The following MYO9A variants were observed in gnomAD, a reference collection of about 807,000 sequenced individuals.
The protein encoded by MYO9A is unconventional myosin-IXa.
MYO9A carries 103 observed loss-of-function variants against 293.3 expected under a neutral mutation model. The ratio of observed to expected loss-of-function variants is 0.35; its 90% CI spans 0.30 to 0.41. The LOEUF (loss-of-function observed/expected upper bound fraction) is 0.41, where lower values mean the gene tolerates loss of function less well. MYO9A is among the 10% of genes least tolerant of loss of function. The pLI is 1.00. For missense variants in MYO9A, 2,685 were observed against 3,033.0 expected (o/e 0.89, Z 2.69); for synonymous variants, 1,001 against 1,035.7 (o/e 0.97, Z 0.64).
At chr15:71,971,156 G>A (rs1467140448) in intron 12 of MYO9A, among the ~76,000 whole-genome samples, 1 of 149,700 alleles carries the variant, frequency 6.7e-6, no homozygotes, top group Non-Finnish European at 1.5e-5. Context: ...GCGAGACTCC[G>A]TATCAGAAAA....
chr15:72,107,200 C>A (rs2080599658), intron 1 of MYO9A, among the ~76,000 whole-genome samples: 1 of 152,110 alleles, frequency 6.6e-6, no homozygotes, highest in South Asian at 2.1e-4. Context: ...CTGTCAAGAG[C>A]CTCAATGACA....
At position 71,916,367 on chromosome 15, in the gene MYO9A, A is replaced by G. The variant is rs2058012752; in HGVS notation, c.2685+3T>C. ...ATTTGTTTTAAGCGAAACAAGAAAT[A>G]ACCTGAAACTGGGCACTGATGCTGG... On this transcript the variant is annotated splice_donor_region_variant and intron_variant, in intron 19 of 41. Transcript: ENST00000356056. 1 of 1,605,050 alleles carries G rather than the reference A, an allele frequency of 6.2e-7. No individual in the cohort carries two copies. Among genetic ancestry groups the G allele is most frequent in the Non-Finnish European group, 8.5e-7 (1 of 1,177,762 alleles).
intron 1 of MYO9A, among the ~76,000 whole-genome samples, chr15:72,092,116 G>A (rs988088220): frequency 6.6e-6 from 1 of 152,186 alleles, no homozygotes. Context: ...GCAGAGCACT[G>A]AAGCCAGGTT....
intron 18 of MYO9A, among the ~76,000 whole-genome samples, chr15:71,932,371 G>A (rs2058502444): frequency 6.6e-6 from 1 of 151,994 alleles, no homozygotes; most frequent in Non-Finnish European, 1.5e-5. Context: ...GGTTAAGGCG[G>A]CTATCCCTTG....
chr15:71,958,595 A>T (rs1234156390), intron 14 of MYO9A: 2 of 152,254 alleles, frequency 1.3e-5, no homozygotes, highest in South Asian at 2.1e-4. Context: ...CCTAGGTGGT[A>T]GTTCCAGGGT....
intron 8 of MYO9A, among the ~76,000 whole-genome samples, chr15:72,004,835 A>T (rs988104233): frequency 6.6e-6 from 1 of 152,232 alleles, no homozygotes; most frequent in African/African-American, 2.4e-5. Context: ...ATAACTGAAA[A>T]GTAAATAAAT....
intron 10 of MYO9A, among the ~76,000 whole-genome samples, chr15:71,992,089 T>A (rs1026147860): frequency 5.9e-5 from 9 of 151,590 alleles, no homozygotes; most frequent in African/African-American, 1.9e-4. Flanking sequence ...AAAATATTTA[T>A]TAAAAAAAAA....
intron 18 of MYO9A, among the ~76,000 whole-genome samples, chr15:71,929,831 T>C (rs926933303): frequency 1.3e-5 from 2 of 152,166 alleles, no homozygotes; most frequent in Non-Finnish European, 2.9e-5. Flanking sequence ...CACTGCTGGG[T>C]TGAATGGGAG....
At chr15:72,037,911 CTTTT>C (rs918016153) in intron 2 of MYO9A, among the ~76,000 whole-genome samples, 1 of 139,990 alleles carries the variant, frequency 7.1e-6, no homozygotes, top group Non-Finnish European at 1.6e-5. Context: ...AGACTATCAG[CTTTT>C]TTTTTTTTTT....
chr15:72,046,114 A>T lies in MYO9A; in HGVS notation c.450T>A (p.Asp150Glu). Residue 150 changes from aspartate to glutamate, a missense_variant, in exon 2 of 42, where the codon GAT becomes GAA. This residue lies in a region of MYO9A where 289 missense variants were observed against 456.8 expected (regional missense o/e 0.63). Transcript: ENST00000356056. Reference sequence around the variant, plus strand: ...CATTCAAATCAGGTAAACTACATAAATCATCAAAGTCTTTCTGTTGAGGCT... The same window carrying T: ...CATTCAAATCAGGTAAACTACATAATTCATCAAAGTCTTTCTGTTGAGGCT... ...LPQPQQKDFD[D>E]LCSLPDLNEK... 1 of 1,614,136 alleles carries T rather than the reference A, an allele frequency of 6.2e-7. No homozygotes were observed. Among genetic ancestry groups the T allele is most frequent in the Non-Finnish European group, 8.5e-7 (1 of 1,180,028 alleles).
At chr15:71,888,847 A>T (rs1400082960) in intron 26 of MYO9A, among the ~76,000 whole-genome samples, 1 of 152,204 alleles carries the variant, frequency 6.6e-6, no homozygotes, top group Non-Finnish European at 1.5e-5. Flanking sequence ...TTATTAACAG[A>T]AAGAGGAAAT....
intron 14 of MYO9A, among the ~76,000 whole-genome samples, chr15:71,956,857 AC>A (rs1480036903): frequency 0.029 from 2,451 of 84,298 alleles, 56 homozygotes; most frequent in Admixed American, 0.11. Flanking sequence ...ACACACACAC[AC>A]AAATATATAT....
intron 32 of MYO9A, among the ~76,000 whole-genome samples, chr15:71,866,344 T>A (rs1199247084): frequency 1.3e-5 from 2 of 152,154 alleles, no homozygotes; most frequent in South Asian, 4.1e-4. Flanking sequence ...ATAGTGATTA[T>A]CCGTGCTGAG....
At chr15:71,913,215 G>A (rs1345409977) in intron 19 of MYO9A, among the ~76,000 whole-genome samples, 1 of 151,896 alleles carries the variant, frequency 6.6e-6, no homozygotes. Context: ...GACTTCAAAT[G>A]TACTACTTCT....
rs374155761 is a variant in MYO9A at position 72,045,956 on chromosome 15, T to C, written c.608A>G (p.Tyr203Cys). The C allele has an allele frequency of 1.2e-4, 190 of 1,614,052 alleles. 3 individuals carry two copies. In the South Asian group the frequency reaches 1.4e-3, roughly 12 times the overall value. ...AAGTTTTCCCAGTTGGTGGTTATCA[T>C]ACATTTTGACATATTTGGGGTTATA... ...PIYNPKYVKM[Y>C]DNHQLGKLEP... is the part of the protein sequence containing the mutation. The change falls in exon 2 of 42, where the codon TAT becomes TGT. Residue 203 changes from tyrosine (Y) to cysteine (C), a missense_variant. Transcript: ENST00000356056.
chr15:71,888,196 T>C (rs929947565), intron 26 of MYO9A, 80 bp from the exon 27 acceptor site: 42 of 727,050 alleles, frequency 5.8e-5, no homozygotes, highest in Non-Finnish European at 8.9e-5. Context: ...GGTTACAGAA[T>C]TACTTGAGCT....
intron 35 of MYO9A, among the ~76,000 whole-genome samples, chr15:71,853,056 T>C (rs1448578068): frequency 6.6e-6 from 1 of 152,162 alleles, no homozygotes; most frequent in Non-Finnish European, 1.5e-5. Context: ...GTCACACCAT[T>C]GTACTACAGC....
At chr15:72,082,421 G>A (rs954495206) in intron 1 of MYO9A, among the ~76,000 whole-genome samples, 3 of 152,082 alleles carry the variant, frequency 2.0e-5, no homozygotes, top group African/African-American at 7.2e-5. Flanking sequence ...AGCAGCTTTT[G>A]GGCTGAGATT....
chr15:72,071,588 A>G (rs2079191996), intron 1 of MYO9A, among the ~76,000 whole-genome samples: 1 of 152,078 alleles, frequency 6.6e-6, no homozygotes, highest in African/African-American at 2.4e-5. Context: ...CAAATATACA[A>G]AAATTAGCCA....
Sources: gnomAD v4.1 joint callset for allele counts (sites outside exome capture counted in the v4.1 genomes callset) on GRCh38, gnomAD v4.1.1 for gene constraint, gnomAD v4.1.1 regional missense constraint, MANE v1.5 for transcripts, NCBI Gene and HGNC (gene_info 2026-07-23, HGNC 2026-07-21) for gene names.